The following RBMS1 variants were observed in gnomAD, a reference collection of about 807,000 sequenced individuals.
RBMS1 encodes RNA binding motif single stranded interacting protein 1.
RBMS1 carries 17 observed loss-of-function variants against 62.3 expected under a neutral mutation model. The observed-to-expected ratio is 0.27, with a 90% CI of 0.19 to 0.41. The LOEUF (loss-of-function observed/expected upper bound fraction) is 0.41. Among genes scored for constraint, RBMS1 ranks in the 10% least tolerant of loss-of-function variants. The pLI is 1.00. For missense variants in RBMS1, 334 were observed against 504.5 expected (o/e 0.66, Z 3.24); for synonymous variants, 172 against 170.0 (o/e 1.01, Z -0.09).
intron 1 of RBMS1, among the ~76,000 whole-genome samples, chr2:160,442,933 C>T (rs1163920614): frequency 2.6e-5 from 4 of 152,082 alleles, no homozygotes; most frequent in Non-Finnish European, 5.9e-5. Context: ...AGGCTGGGCG[C>T]GGTGGCTCAC....
intron 1 of RBMS1, among the ~76,000 whole-genome samples, chr2:160,370,526 G>C (rs1693668942): frequency 6.6e-6 from 1 of 152,182 alleles, no homozygotes; most frequent in South Asian, 2.1e-4. Flanking sequence ...AATTCAATCA[G>C]ACAGGCAGGT....
rs566120041 is a variant in RBMS1, at chr2:160,362,774, T to C, written c.251+4442A>G. ...GCAGGGTTGCTACAAACCTTCAATTTGTATTTTTTTTTAAAAGCAGTATCT... is the reference window on the plus strand; with the variant it reads ...GCAGGGTTGCTACAAACCTTCAATTCGTATTTTTTTTTAAAAGCAGTATCT... On this transcript the variant is annotated intron_variant, in intron 2 of 13. Transcript: ENST00000348849. Among the ~76,000 whole-genome samples the C allele has an allele frequency of 2.0e-5, 3 of 152,274 alleles. No individual in the cohort carries two copies. In the East Asian group the frequency reaches 5.8e-4, roughly 29 times the overall value.
chr2:160,280,523 A>C (rs1355451545), intron 10 of RBMS1, among the ~76,000 whole-genome samples: 1 of 152,190 alleles, frequency 6.6e-6, no homozygotes, highest in Admixed American at 6.5e-5. Flanking sequence ...CATAAGGCCA[A>C]GAATACAGTT....
At chr2:160,414,796 G>A (rs1052481234) in intron 1 of RBMS1, among the ~76,000 whole-genome samples, 5 of 150,268 alleles carry the variant, frequency 3.3e-5, no homozygotes, top group South Asian at 2.1e-4. Flanking sequence ...GCAGTGAGCC[G>A]AGATTGCACC....
intron 2 of RBMS1, among the ~76,000 whole-genome samples, chr2:160,352,907 C>T (rs748748572): frequency 7.2e-5 from 11 of 152,100 alleles, no homozygotes; most frequent in Non-Finnish European, 8.8e-5. Flanking sequence ...TTATGAGGCA[C>T]GTGAATAGCT....
At chr2:160,368,317 A>C (rs1240305420) in intron 1 of RBMS1, among the ~76,000 whole-genome samples, 2 of 152,194 alleles carry the variant, frequency 1.3e-5, no homozygotes, top group Non-Finnish European at 2.9e-5. Flanking sequence ...TCTAAATCAT[A>C]AATATACTGT....
In RBMS1 at chr2:160,277,317, C is replaced by T; in HGVS notation, c.1129G>A (p.Ala377Thr). The T allele has an allele frequency of 6.2e-7, 1 of 1,612,242 alleles. No homozygotes were observed. The highest frequency in any genetic ancestry group is 8.5e-7 in the Non-Finnish European group (1 of 1,178,370). The part of the protein sequence containing the change: ...LPQYAHMQTT[A>T]VPVEEASGQQ... ...TCTCTACCAACCTCAACAGGAACCG[C>T]TGTCGTCTGCATATGTGCATACTGT... Residue 377 changes from alanine to threonine, a missense_variant, in exon 12 of 14, where the codon GCG (alanine) becomes ACG (threonine). Physicochemically the swap from Ala to Thr is moderately conservative, Grantham distance 58. This residue lies in a region of RBMS1 where 182 missense variants were observed against 257.7 expected (regional missense o/e 0.71). Coordinates refer to ENST00000348849, the MANE Select transcript of RBMS1 (RefSeq NM_016836.4).
At chr2:160,283,169 A>C (rs973345279) in intron 9 of RBMS1, 1 of 152,254 alleles carries the variant, frequency 6.6e-6, no homozygotes, top group Non-Finnish European at 1.5e-5. Flanking sequence ...ATCTATAGCA[A>C]CATAAATTCA....
chr2:160,400,003 C>A (rs1695354127), intron 1 of RBMS1, among the ~76,000 whole-genome samples: 1 of 152,190 alleles, frequency 6.6e-6, no homozygotes, highest in Non-Finnish European at 1.5e-5. Context: ...AGAGTGCTTT[C>A]TTCTCTCTTA....
intron 2 of RBMS1, among the ~76,000 whole-genome samples, chr2:160,353,973 G>A (rs904639574): frequency 6.6e-6 from 1 of 152,104 alleles, no homozygotes; most frequent in African/African-American, 2.4e-5. Flanking sequence ...CTGGGGCACA[G>A]AGAGGTTGAG....
At chr2:160,451,873 G>A in intron 1 of RBMS1, among the ~76,000 whole-genome samples, 1 of 152,132 alleles carries the variant, frequency 6.6e-6, no homozygotes, top group East Asian at 1.9e-4. Flanking sequence ...GCCTCCTAAA[G>A]TGTTGGGATT....
chr2:160,301,222 T>C (rs1348762069), intron 5 of RBMS1, among the ~76,000 whole-genome samples: 1 of 152,230 alleles, frequency 6.6e-6, no homozygotes, highest in African/African-American at 2.4e-5. Flanking sequence ...ATATGCTTCT[T>C]ACATTTGCTT....
intron 2 of RBMS1, among the ~76,000 whole-genome samples, chr2:160,322,751 AC>A (rs1452008230): frequency 6.6e-6 from 1 of 152,150 alleles, no homozygotes; most frequent in Non-Finnish European, 1.5e-5. Flanking sequence ...TAAAATACAG[AC>A]CCCAGAACTA....
intron 1 of RBMS1, among the ~76,000 whole-genome samples, chr2:160,377,305 C>T (rs1694052280): frequency 6.6e-6 from 1 of 152,192 alleles, no homozygotes; most frequent in African/African-American, 2.4e-5. Flanking sequence ...ACCCACTGAA[C>T]TGATACTTCC....
rs770168645 is a variant in RBMS1 at position 160,493,387 on chromosome 2, G to T, written c.-24C>A. 7 of 1,610,474 alleles carry T rather than the reference G, an allele frequency of 4.3e-6. No homozygotes were observed. In the South Asian group the frequency reaches 6.6e-5, roughly 15 times the overall value. On this transcript the variant is annotated 5_prime_UTR_variant, in exon 1 of 14. Transcript: ENST00000348849. Reference sequence around the variant, plus strand: ...ATGAAGCTGGAAGGGAGCCTGCCGTGCAGGGTCGCGGACACTTTGGGGTTT... The same window carrying T: ...ATGAAGCTGGAAGGGAGCCTGCCGTTCAGGGTCGCGGACACTTTGGGGTTT...
chr2:160,392,496 T>C (rs1443896214), intron 1 of RBMS1, among the ~76,000 whole-genome samples: 4 of 151,756 alleles, frequency 2.6e-5, no homozygotes, highest in East Asian at 1.9e-4. Flanking sequence ...CTATAGATAG[T>C]GTATGAAATA....
intron 1 of RBMS1, among the ~76,000 whole-genome samples, chr2:160,422,926 T>C (rs1039964020): frequency 1.3e-5 from 2 of 152,200 alleles, no homozygotes; most frequent in Admixed American, 6.5e-5. Context: ...TCCAAACCTT[T>C]TAGTTTTTTT....
At position 160,363,600 on chromosome 2, in the gene RBMS1, A is replaced by G. The variant is rs199791814; in HGVS notation, c.251+3616T>C. ...GCTGGAGAAGAAGGAAGAAGGGCCA[A>G]AGAAGAATCCACAAAACTTAGTGAC... On this transcript the variant is annotated intron_variant, in intron 2 of 13. Transcript: ENST00000348849. Among the ~76,000 whole-genome samples the G allele has an allele frequency of 2.0e-5, 3 of 152,106 alleles. No homozygotes were observed. The East Asian group carries it at 5.8e-4, about 29-fold the overall frequency.
At chr2:160,447,963 G>A (rs1683733485) in intron 1 of RBMS1, among the ~76,000 whole-genome samples, 1 of 152,036 alleles carries the variant, frequency 6.6e-6, no homozygotes, top group Non-Finnish European at 1.5e-5. Context: ...ACGGTTGAAC[G>A]AATAAATGTA....
Sources: allele counts gnomAD v4.1 joint callset (sites outside exome capture counted in the v4.1 genomes callset), GRCh38; gene constraint gnomAD v4.1.1; regional missense constraint gnomAD v4.1.1; transcripts MANE v1.5; gene names NCBI Gene and HGNC (gene_info 2026-07-23, HGNC 2026-07-21).